LMTK2: variants seen among roughly 807,000 people sequenced by gnomAD.
LMTK2 encodes lemur tail kinase 2.
In LMTK2, 37 loss-of-function variants were observed where a neutral mutation model predicts 127.5. The ratio of observed to expected loss-of-function variants is 0.29; its 90% CI spans 0.22 to 0.38. The LOEUF (loss-of-function observed/expected upper bound fraction) is 0.38, where lower values mean the gene tolerates loss of function less well. Among genes scored for constraint, LMTK2 ranks in the 10% least tolerant of loss-of-function variants. The pLI is 1.00. For synonymous variants in LMTK2, 819 were observed against 810.1 expected (o/e 1.01, Z -0.19); for missense variants, 1,694 against 1,920.3 (o/e 0.88, Z 2.20).
chr7:98,140,162 CTTTTCTTTT>C (rs1796668483), intron 2 of LMTK2, among the ~76,000 whole-genome samples: 2 of 47,630 alleles, frequency 4.2e-5, no homozygotes, highest in Non-Finnish European at 6.6e-5. Context: ...CTTTTCTTTT[CTTTTCTTTT>C]CTTTCTTTTC....
At chr7:98,200,428 T>C (rs1483819792) in intron 11 of LMTK2, among the ~76,000 whole-genome samples, 2 of 152,244 alleles carry the variant, frequency 1.3e-5, no homozygotes, top group African/African-American at 4.8e-5. Context: ...TAACATGGCT[T>C]CTTTTCAACC....
At chr7:98,107,630 CT>C (rs1033434853) in intron 1 of LMTK2, among the ~76,000 whole-genome samples, 1 of 152,026 alleles carries the variant, frequency 6.6e-6, no homozygotes, top group African/African-American at 2.4e-5. Flanking sequence ...GCCTCTTGTG[CT>C]TTTTTTTCGC....
intron 2 of LMTK2, among the ~76,000 whole-genome samples, chr7:98,138,778 T>C (rs1214494322): frequency 6.6e-6 from 1 of 152,218 alleles, no homozygotes; most frequent in East Asian, 1.9e-4. Context: ...GCCTCATTCT[T>C]GCCTTAGATC....
intron 7 of LMTK2, among the ~76,000 whole-genome samples, chr7:98,178,434 G>A (rs914539129): frequency 2.0e-5 from 3 of 152,228 alleles, no homozygotes; most frequent in Admixed American, 6.5e-5. Context: ...TCTGTCGATC[G>A]CTCTGCTCAT....
Position 98,194,597 on chromosome 7 carries a change from T to C in LMTK2, c.4107+25T>C, listed in dbSNP as rs765368824. ...GGTATCTGTTCCCTCTAAATCATTT[T>C]CTATACACATCCATATAAGGATTCC... On this transcript the variant is annotated intron_variant, in intron 11 of 13. Coordinates refer to ENST00000297293, the MANE Select transcript of LMTK2 (RefSeq NM_014916.4). This position sits in a 1 kb window ranked among gnomAD's most constrained non-coding sequence, Gnocchi z 5.4. 1.3e-6 allele frequency: 2 copies of C among 1,562,002 alleles called. No homozygotes were observed. The highest frequency in any genetic ancestry group is 2.3e-5 in the South Asian group (2 of 85,990).
intron 3 of LMTK2, among the ~76,000 whole-genome samples, chr7:98,143,647 C>T: frequency 6.6e-6 from 1 of 152,266 alleles, no homozygotes; most frequent in African/African-American, 2.4e-5. Context: ...ATGTGGAGAG[C>T]AGCAGGCAGT....
chr7:98,160,125 A>G (rs919251991), intron 6 of LMTK2, among the ~76,000 whole-genome samples: 5 of 152,172 alleles, frequency 3.3e-5, no homozygotes, highest in Non-Finnish European at 4.4e-5. Flanking sequence ...TTATCTTCCA[A>G]AAACAGTGGT....
intron 1 of LMTK2, among the ~76,000 whole-genome samples, chr7:98,129,836 G>A (rs917302883): frequency 1.1e-4 from 16 of 151,926 alleles, no homozygotes; most frequent in South Asian, 8.3e-4. Context: ...AATGCTAGGC[G>A]CTGGGCTAGG....
At chr7:98,123,860 GT>G (rs2116335454) in intron 1 of LMTK2, among the ~76,000 whole-genome samples, 1 of 152,068 alleles carries the variant, frequency 6.6e-6, no homozygotes, top group Non-Finnish European at 1.5e-5. Flanking sequence ...CTTTACTTCT[GT>G]TGATCTTTTT....
Position 98,106,924 on chromosome 7 carries a change from G to C in LMTK2, c.-254G>C. ...GCTTCCCAGGCCCGCCGCTCCGCAG[G>C]GCTGCTGGCGTTGCTGCTGTTGAGA... On this transcript the variant is annotated 5_prime_UTR_variant, in exon 1 of 14. Transcript: ENST00000297293. The C allele has an allele frequency of 2.2e-6, 1 of 457,132 alleles. No individual in the cohort carries two copies. The allele number at this position is 457,132 out of a possible 1,614,324, so 28.3% of individuals were successfully genotyped here.
chr7:98,111,572 T>C, intron 1 of LMTK2, among the ~76,000 whole-genome samples: 1 of 152,198 alleles, frequency 6.6e-6, no homozygotes, highest in East Asian at 1.9e-4. Flanking sequence ...ACCTCTGGGC[T>C]TAGAACTCCA....
intron 6 of LMTK2, among the ~76,000 whole-genome samples, chr7:98,164,048 T>C (rs1797052938): frequency 6.6e-6 from 1 of 152,228 alleles, no homozygotes; most frequent in African/African-American, 2.4e-5. Flanking sequence ...ACTTAATTCC[T>C]TGTAAGATGG....
intron 7 of LMTK2, among the ~76,000 whole-genome samples, chr7:98,179,121 G>A (rs988617252): frequency 2.0e-5 from 3 of 152,222 alleles, no homozygotes; most frequent in Admixed American, 6.5e-5. Flanking sequence ...GCTTGCTTTC[G>A]AGTTTTATAA....
At chr7:98,131,797 C>G (rs565833817) in intron 1 of LMTK2, among the ~76,000 whole-genome samples, 2 of 152,258 alleles carry the variant, frequency 1.3e-5, no homozygotes, top group Admixed American at 6.5e-5. Flanking sequence ...TCCCTATTAC[C>G]CGAAGAGAGC....
intron 1 of LMTK2, among the ~76,000 whole-genome samples, chr7:98,110,521 C>G (rs1411207084): frequency 6.6e-6 from 1 of 152,164 alleles, no homozygotes; most frequent in Non-Finnish European, 1.5e-5. Context: ...TTTTCACACC[C>G]AGTTAAATTG....
intron 6 of LMTK2, among the ~76,000 whole-genome samples, chr7:98,163,031 A>C (rs915456491): frequency 6.6e-6 from 1 of 152,206 alleles, no homozygotes; most frequent in African/African-American, 2.4e-5. Flanking sequence ...CAGTCACAAA[A>C]AGACAAGTTC....
intron 1 of LMTK2, among the ~76,000 whole-genome samples, chr7:98,116,578 T>C (rs955915646): frequency 1.3e-5 from 2 of 152,166 alleles, no homozygotes; most frequent in African/African-American, 4.8e-5. Context: ...TAAAACCTTT[T>C]TCTTTCACAA....
Position 98,194,591 on chromosome 7 carries a change from T to C in LMTK2, c.4107+19T>C. On this transcript the variant is annotated intron_variant, in intron 11 of 13. Transcript: ENST00000297293. This position sits in a 1 kb window ranked among gnomAD's most constrained non-coding sequence, Gnocchi z 5.4. ...TGACCAGGTATCTGTTCCCTCTAAA[T>C]CATTTTCTATACACATCCATATAAG... 1.3e-6 allele frequency: 2 copies of C among 1,580,244 alleles called. No homozygotes were observed. The highest frequency in any genetic ancestry group is 1.7e-6 in the Non-Finnish European group (2 of 1,167,734).
At position 98,154,832 on chromosome 7, in the gene LMTK2, C is replaced by T; in HGVS notation, c.525C>T (p.Asn175=). The T allele has an allele frequency of 1.2e-6, 2 of 1,613,304 alleles. No individual in the cohort carries two copies. Among genetic ancestry groups the T allele is most frequent in the South Asian group, 1.1e-5 (1 of 91,058 alleles). Residue 175 remains asparagine, a synonymous_variant, in exon 5 of 14, where the codon AAC becomes AAT. Coordinates refer to ENST00000297293, the MANE Select transcript of LMTK2 (RefSeq NM_014916.4). ...VIVKELKASA[N]PKEQDTFLKN... ...TGAAGGAGTTAAAAGCAAGTGCCAA[C>T]CCAAAGGAACAAGATACTTTTTTGA...
Sources: allele counts gnomAD v4.1 joint callset (sites outside exome capture counted in the v4.1 genomes callset), GRCh38; gene constraint gnomAD v4.1.1; non-coding constraint Gnocchi (gnomAD v3.1); transcripts MANE v1.5; gene names NCBI Gene and HGNC (gene_info 2026-07-23, HGNC 2026-07-21).